CHN2: variants seen among roughly 807,000 people sequenced by gnomAD.
The protein encoded by CHN2 is chimerin 2.
Under a neutral mutation model 56.3 loss-of-function variants are expected in CHN2, and 35 were observed. The ratio of observed to expected loss-of-function variants is 0.62; its 90% CI spans 0.47 to 0.82. CHN2 has a LOEUF of 0.82. Ranked by LOEUF, CHN2 falls within the 40% of genes least tolerant of loss-of-function variation. The pLI is 0.00. For synonymous variants in CHN2, 210 were observed against 212.8 expected, an observed-to-expected ratio of 0.99 and a Z score of 0.12; for missense variants, 491 against 580.5, an observed-to-expected ratio of 0.85 and a Z score of 1.58.
At chr7:29,250,158 C>T (rs1286261651) in intron 1 of CHN2, among the ~76,000 whole-genome samples, 1 of 152,212 alleles carries the variant, frequency 6.6e-6, no homozygotes, top group African/African-American at 2.4e-5. Context: ...TGTCATGGCA[C>T]TCCCTGGGAT....
chr7:29,390,184 C>T (rs1801251677), intron 3 of CHN2, among the ~76,000 whole-genome samples: 1 of 152,182 alleles, frequency 6.6e-6, no homozygotes, highest in African/African-American at 2.4e-5. Context: ...GGTGCTCTCC[C>T]TCTGTAAAGA....
intron 2 of CHN2, among the ~76,000 whole-genome samples, chr7:29,150,392 C>T (rs1793427920): frequency 1.3e-5 from 2 of 152,172 alleles, no homozygotes; most frequent in Non-Finnish European, 2.9e-5. Context: ...TAATGGTGAT[C>T]ATGACAATCA....
chr7:29,419,356 A>G (rs956474733), intron 6 of CHN2, among the ~76,000 whole-genome samples: 8 of 152,338 alleles, frequency 5.3e-5, no homozygotes, highest in African/African-American at 1.7e-4. Flanking sequence ...CTACCTACAC[A>G]TAAGACCTAA....
chr7:29,486,756 C>T (rs1788056370), intron 7 of CHN2, among the ~76,000 whole-genome samples: 1 of 152,114 alleles, frequency 6.6e-6, no homozygotes, highest in African/African-American at 2.4e-5. Flanking sequence ...CATGCAACCC[C>T]CACCCCGTGC....
intron 3 of CHN2, among the ~76,000 whole-genome samples, chr7:29,388,130 C>A (rs1801072320): frequency 6.6e-6 from 1 of 152,102 alleles, no homozygotes; most frequent in African/African-American, 2.4e-5. Context: ...TAGACTCTTG[C>A]TGTTTGAAGC....
chr7:29,198,686 T>C (rs368015414), intron 1 of CHN2, among the ~76,000 whole-genome samples: 6 of 152,200 alleles, frequency 3.9e-5, no homozygotes, highest in African/African-American at 1.2e-4. Flanking sequence ...TATTCTGAGA[T>C]AAACAACGGC....
At chr7:29,490,048 G>T (rs555738501) in intron 7 of CHN2, among the ~76,000 whole-genome samples, 3 of 151,364 alleles carry the variant, frequency 2.0e-5, no homozygotes, top group Non-Finnish European at 4.4e-5. Flanking sequence ...AAGATATAGG[G>T]ATATTTAAGA....
At chr7:29,293,760 C>G (rs1792870438) in intron 1 of CHN2, among the ~76,000 whole-genome samples, 1 of 152,098 alleles carries the variant, frequency 6.6e-6, no homozygotes. Context: ...CACACTGTTT[C>G]CCCCTAGCAC....
chr7:29,474,385 AC>A (rs1786416453), intron 6 of CHN2, among the ~76,000 whole-genome samples: 1 of 152,202 alleles, frequency 6.6e-6, no homozygotes, highest in African/African-American at 2.4e-5. Flanking sequence ...TAGTCTGAAG[AC>A]CTTTTCAAGA....
At chr7:29,359,575 C>T (rs766211081) in intron 2 of CHN2, among the ~76,000 whole-genome samples, 20 of 152,118 alleles carry the variant, frequency 1.3e-4, no homozygotes, top group Non-Finnish European at 1.0e-4. Context: ...AAGGAAAAAG[C>T]TTCATGGCTT....
rs527541357 is a variant in CHN2 at position 29,449,439 on chromosome 7, A to G, written c.577-30840A>G. On this transcript the variant is annotated intron_variant, in intron 6 of 12. Coordinates refer to ENST00000222792, the MANE Select transcript of CHN2 (RefSeq NM_004067.4). ...GGTAAATAGGCATCATTTTGTAAAT[A>G]AAGTATTATTGGAATACAGCCACAT... 6.6e-4 allele frequency among the ~76,000 whole-genome samples: 100 copies of G among 152,370 alleles called. 2 individuals carry two copies. In the South Asian group the frequency reaches 0.012, roughly 18 times the overall value.
intron 9 of CHN2, among the ~76,000 whole-genome samples, chr7:29,504,202 G>A (rs186797096): frequency 6.6e-6 from 1 of 152,174 alleles, no homozygotes; most frequent in East Asian, 1.9e-4. Context: ...ATACATACAT[G>A]TGTGTATCTA....
At chr7:29,212,656 C>A (rs903114626) in intron 1 of CHN2, 2 of 1,441,840 alleles carry the variant, frequency 1.4e-6, no homozygotes, top group Non-Finnish European at 2.0e-6. Context: ...GACAGAAATA[C>A]CTTAGCCTCC....
intron 1 of CHN2, among the ~76,000 whole-genome samples, chr7:29,224,432 T>C (rs1176597058): frequency 6.6e-6 from 1 of 152,204 alleles, no homozygotes; most frequent in Admixed American, 6.5e-5. Context: ...AAACATTTTT[T>C]TCTATGTGTG....
intron 6 of CHN2, among the ~76,000 whole-genome samples, chr7:29,458,262 A>G (rs1337982069): frequency 6.6e-6 from 1 of 152,148 alleles, no homozygotes; most frequent in African/African-American, 2.4e-5. Flanking sequence ...TTCTAAAACT[A>G]GTGGGATATG....
chr7:29,236,837 C>G (rs1787230050), intron 1 of CHN2, among the ~76,000 whole-genome samples: 1 of 152,168 alleles, frequency 6.6e-6, no homozygotes, highest in Non-Finnish European at 1.5e-5. Context: ...ACATCACCCT[C>G]ACCTCTGCTT....
intron 1 of CHN2, among the ~76,000 whole-genome samples, chr7:29,200,465 C>A (rs1378905133): frequency 1.4e-4 from 19 of 134,566 alleles, no homozygotes; most frequent in African/African-American, 4.5e-4. Context: ...CCCCTTCCCC[C>A]CTCCCCCCTT....
At chr7:29,486,817 C>T (rs953599336) in intron 7 of CHN2, among the ~76,000 whole-genome samples, 15 of 152,172 alleles carry the variant, frequency 9.9e-5, no homozygotes, top group African/African-American at 2.9e-4. Context: ...TATGTCCCCA[C>T]GCTCCCACTA....
At chr7:29,491,538 A>T (rs1425906336) in intron 7 of CHN2, among the ~76,000 whole-genome samples, 2 of 152,134 alleles carry the variant, frequency 1.3e-5, no homozygotes, top group African/African-American at 4.8e-5. Flanking sequence ...TCTCCTGAGT[A>T]GCTAGGACTA....
Sources: gnomAD v4.1 joint callset for allele counts (sites outside exome capture counted in the v4.1 genomes callset) on GRCh38, gnomAD v4.1.1 for gene constraint, MANE v1.5 for transcripts, NCBI Gene and HGNC (gene_info 2026-07-23, HGNC 2026-07-21) for gene names.